The following AKAP6 variants were observed in gnomAD, a reference collection of about 807,000 sequenced individuals.
AKAP6 encodes the protein A-kinase anchoring protein 6.
A neutral mutation model predicts 188.5 loss-of-function variants in AKAP6; 58 were observed. The observed-to-expected ratio is 0.31, with a 90% CI of 0.25 to 0.38. The LOEUF is 0.38. AKAP6 is among the 10% of genes least tolerant of loss of function. The probability of loss-of-function intolerance (pLI) is 1.00; values close to 1 mark genes in which losing one functional copy is unlikely to be tolerated. For missense variants in AKAP6, 2,710 were observed against 2,740.0 expected, an observed-to-expected ratio of 0.99 and a Z score of 0.24; for synonymous variants, 989 against 998.6, an observed-to-expected ratio of 0.99 and a Z score of 0.18.
chr14:32,799,275 T>C (rs1372566900), intron 12 of AKAP6, among the ~76,000 whole-genome samples: 1 of 152,204 alleles, frequency 6.6e-6, no homozygotes, highest in Non-Finnish European at 1.5e-5. Context: ...ATATAGTTGA[T>C]TTTCTCTGCT....
At chr14:32,618,109 G>C (rs933832439) in intron 7 of AKAP6, among the ~76,000 whole-genome samples, 1 of 150,316 alleles carries the variant, frequency 6.7e-6, no homozygotes, top group African/African-American at 2.4e-5. Flanking sequence ...TTATATCTTT[G>C]CATTTCACAG....
Position 32,823,730 on chromosome 14 carries a change from C to A in AKAP6, c.5917C>A (p.Gln1973Lys), listed in dbSNP as rs2034596165. The A allele has an allele frequency of 6.2e-7, 1 of 1,613,492 alleles. No individual in the cohort carries two copies. The change falls in exon 13 of 14, where the codon CAA (glutamine) becomes AAA (lysine). Residue 1973 changes from glutamine to lysine, a missense_variant. Gln to Lys is a moderately conservative substitution (Grantham distance 53). Around this residue, in one of 2 missense-constraint regions of AKAP6, gnomAD observed 2,473 missense variants for 2,426.1 expected, o/e 1.02. Transcript: ENST00000280979. ...KCPNHHHFEN[Q>K]STASTPTEKS... Reference sequence around the variant, plus strand: ...TCCAAATCACCACCATTTTGAAAATCAAAGCACTGCCTCTACTCCCACTGA... The same window carrying A: ...TCCAAATCACCACCATTTTGAAAATAAAAGCACTGCCTCTACTCCCACTGA...
intron 2 of AKAP6, among the ~76,000 whole-genome samples, chr14:32,498,153 T>C (rs774205302): frequency 5.3e-5 from 8 of 152,170 alleles, no homozygotes; most frequent in Non-Finnish European, 1.0e-4. Flanking sequence ...TCCTCCATTG[T>C]CATGTGACTG....
intron 12 of AKAP6, among the ~76,000 whole-genome samples, chr14:32,797,440 G>T (rs939791699): frequency 2.0e-5 from 3 of 152,208 alleles, no homozygotes; most frequent in African/African-American, 7.2e-5. Context: ...CCATAAAAAG[G>T]AATGAGACCA....
intron 12 of AKAP6, among the ~76,000 whole-genome samples, chr14:32,785,844 A>G (rs894534061): frequency 2.6e-5 from 4 of 152,206 alleles, no homozygotes; most frequent in African/African-American, 9.7e-5. Flanking sequence ...ACATAAACTA[A>G]TAAGTAAAAG....
At chr14:32,515,569 A>G (rs564041762) in intron 2 of AKAP6, among the ~76,000 whole-genome samples, 2 of 152,158 alleles carry the variant, frequency 1.3e-5, no homozygotes, top group Admixed American at 1.3e-4. Flanking sequence ...ACAAAAGAAA[A>G]TCTTTGGGCT....
intron 12 of AKAP6, among the ~76,000 whole-genome samples, chr14:32,813,305 A>G (rs573416205): frequency 1.3e-4 from 20 of 151,978 alleles, no homozygotes; most frequent in African/African-American, 4.6e-4. Flanking sequence ...TTACCCACCT[A>G]GCATCTCCAG....
At chr14:32,614,021 A>G (rs1295825062) in intron 7 of AKAP6, among the ~76,000 whole-genome samples, 1 of 152,192 alleles carries the variant, frequency 6.6e-6, no homozygotes, top group Non-Finnish European at 1.5e-5. Context: ...AGAACTTTTT[A>G]ACTATTACTA....
intron 7 of AKAP6, among the ~76,000 whole-genome samples, chr14:32,656,306 A>G (rs1268441076): frequency 6.6e-6 from 1 of 152,192 alleles, no homozygotes; most frequent in Non-Finnish European, 1.5e-5. Context: ...CTGTGTCCCA[A>G]CAAAACCTAT....
chr14:32,723,939 T>TG (rs2030704728), intron 9 of AKAP6, among the ~76,000 whole-genome samples: 2 of 152,230 alleles, frequency 1.3e-5, no homozygotes, highest in African/African-American at 4.8e-5. Context: ...TACTGACTTA[T>TG]GAGAGCATAT....
chr14:32,749,080 T>C (rs1076752), intron 11 of AKAP6, among the ~76,000 whole-genome samples: 21,972 of 152,180 alleles, frequency 0.14, 2,278 homozygotes, highest in African/African-American at 0.29. Context: ...CTTTTATAAT[T>C]GGCCAATTAA....
chr14:32,646,594 T>G (rs143273041), intron 7 of AKAP6, among the ~76,000 whole-genome samples: 1 of 152,308 alleles, frequency 6.6e-6, no homozygotes, highest in Admixed American at 6.5e-5. Context: ...ATGAAATATA[T>G]TTCATAAATT....
chr14:32,353,156 G>A (rs2138455345), intron 1 of AKAP6, among the ~76,000 whole-genome samples: 1 of 152,258 alleles, frequency 6.6e-6, no homozygotes, highest in Admixed American at 6.5e-5. Context: ...GTGAAGCTAA[G>A]TGATAGGAAT....
At chr14:32,633,409 G>T (rs574243287) in intron 7 of AKAP6, among the ~76,000 whole-genome samples, 1 of 152,138 alleles carries the variant, frequency 6.6e-6, no homozygotes, top group African/African-American at 2.4e-5. Context: ...TTGCATTGTT[G>T]TTCCCATGAT....
At chr14:32,586,549 C>T (rs1174511819) in intron 5 of AKAP6, among the ~76,000 whole-genome samples, 1 of 152,128 alleles carries the variant, frequency 6.6e-6, no homozygotes, top group East Asian at 1.9e-4. Context: ...ATTTCTTGAA[C>T]CCGGAAGGCA....
chr14:32,665,622 G>A (rs1459319766), intron 7 of AKAP6, among the ~76,000 whole-genome samples: 2 of 152,028 alleles, frequency 1.3e-5, no homozygotes, highest in Admixed American at 6.6e-5. Context: ...ACAGTATAGG[G>A]TGGGACCCTC....
intron 1 of AKAP6, among the ~76,000 whole-genome samples, chr14:32,396,058 A>G (rs1048425140): frequency 6.6e-6 from 1 of 152,182 alleles, no homozygotes; most frequent in African/African-American, 2.4e-5. Context: ...ATATATATAT[A>G]TCAGTGAAGA....
At chr14:32,678,658 A>G (rs1329624232) in intron 8 of AKAP6, among the ~76,000 whole-genome samples, 199 bp downstream of exon 8, 1 of 152,170 alleles carries the variant, frequency 6.6e-6, no homozygotes, top group African/African-American at 2.4e-5. Context: ...TCTAACCCAG[A>G]ACTTTCTGAC....
intron 2 of AKAP6, among the ~76,000 whole-genome samples, chr14:32,535,121 G>T (rs905863991): frequency 1.3e-5 from 2 of 152,116 alleles, no homozygotes; most frequent in African/African-American, 4.8e-5. Flanking sequence ...ACACATTCTA[G>T]GTTATCTTTC....
Sources: gnomAD v4.1 joint callset for allele counts (sites outside exome capture counted in the v4.1 genomes callset) on GRCh38, gnomAD v4.1.1 for gene constraint, gnomAD v4.1.1 regional missense constraint, MANE v1.5 for transcripts, NCBI Gene and HGNC (gene_info 2026-07-23, HGNC 2026-07-21) for gene names.